The following RUNX2 variants were observed in gnomAD, a reference collection of about 807,000 sequenced individuals.
RUNX2 encodes the protein RUNX family transcription factor 2, also known as runt-related transcription factor 2.
A neutral mutation model predicts 51.7 loss-of-function variants in RUNX2; 10 were observed. The observed-to-expected ratio is 0.19, with a 90% CI of 0.12 to 0.33. The LOEUF (loss-of-function observed/expected upper bound fraction) is 0.33. Among genes scored for constraint, RUNX2 ranks in the 10% least tolerant of loss-of-function variants. RUNX2 has a pLI of 1.00. For synonymous variants in RUNX2, 276 were observed against 273.6 expected (o/e 1.01, Z -0.09); for missense variants, 562 against 691.3 (o/e 0.81, Z 2.10).
intron 7 of RUNX2, 120 bp downstream of exon 7, chr6:45,512,527 G>T: frequency 9.4e-7 from 1 of 1,064,592 alleles, no homozygotes; most frequent in East Asian, 2.5e-5. Flanking sequence ...GTGGGCAAGG[G>T]AATGACAACT....
intron 3 of RUNX2, among the ~76,000 whole-genome samples, chr6:45,428,884 C>A (rs2150366135): frequency 7.2e-6 from 1 of 138,964 alleles, no homozygotes; most frequent in African/African-American, 2.7e-5. Context: ...TGAGTGAAAT[C>A]CACCAGCAGT....
Position 45,335,027 on chromosome 6 carries a change from TA to T in RUNX2, c.58+6245del, listed in dbSNP as rs1474914106. On this transcript the variant is annotated intron_variant, in intron 2 of 8. Transcript: ENST00000647337. ...TTATAAGGGCAAATATGAATGGAAT[TA>T]ATTTGCTAATAGATTCCTATTTATA... Among the ~76,000 whole-genome samples, 11 of 151,402 alleles carry T rather than the reference TA, an allele frequency of 7.3e-5. No individual in the cohort carries two copies. The East Asian group carries it at 1.9e-3, about 27-fold the overall frequency.
At chr6:45,433,429 A>G (rs1019217108) in intron 4 of RUNX2, among the ~76,000 whole-genome samples, 1 of 152,148 alleles carries the variant, frequency 6.6e-6, no homozygotes, top group East Asian at 1.9e-4. Context: ...ATCAAGAAAA[A>G]TGTGAACATG....
rs570401980 is a variant in RUNX2 at position 45,550,116 on chromosome 6, G to A, written c.*2811G>A. 6.6e-6 allele frequency: 1 copy of A among 152,292 alleles called. No individual in the cohort carries two copies. The highest frequency in any genetic ancestry group is 2.1e-4 in the South Asian group (1 of 4,808). 9.4% of individuals were successfully genotyped at this position (152,292 alleles called of 1,614,324 possible). The stretch of plus-strand genomic sequence containing the variant: ...ACTGTGGAACCATGTACTAGTTCCT[G>A]GGAATTAAAATAGCGTGGTTCTCTT... On this transcript the variant is annotated 3_prime_UTR_variant, in exon 9 of 9. Transcript: ENST00000647337.
In RUNX2 at chr6:45,434,158, G is replaced by A. The variant is rs1798617398; in HGVS notation, c.580+2139G>A. On this transcript the variant is annotated intron_variant, in intron 4 of 8. Coordinates refer to ENST00000647337, the MANE Select transcript of RUNX2 (RefSeq NM_001024630.4). ...AACAGTAATATCAAGCTGAGATGAA[G>A]AGGAAAAAAGGACAGAGAACACTGA... Among the ~76,000 whole-genome samples, 3 of 151,868 alleles carry A rather than the reference G, an allele frequency of 2.0e-5. No individual in the cohort carries two copies. The South Asian group carries it at 6.2e-4, about 32-fold the overall frequency.
At chr6:45,503,701 C>T (rs548506354) in intron 6 of RUNX2, among the ~76,000 whole-genome samples, 1 of 152,278 alleles carries the variant, frequency 6.6e-6, no homozygotes, top group Admixed American at 6.5e-5. Context: ...GGTATAGCCT[C>T]TTTCTTCTTC....
intron 7 of RUNX2, among the ~76,000 whole-genome samples, chr6:45,534,550 T>G (rs1161866592): frequency 6.6e-6 from 1 of 152,208 alleles, no homozygotes; most frequent in African/African-American, 2.4e-5. Flanking sequence ...AAACAGTTTT[T>G]GTTCATAGGA....
chr6:45,423,013 G>T, intron 3 of RUNX2, 56 bp downstream of exon 3: 1 of 1,587,006 alleles, frequency 6.3e-7, no homozygotes, highest in Non-Finnish European at 8.5e-7. Flanking sequence ...CCTGCCCGCC[G>T]GTGTCTTCCT....
intron 5 of RUNX2, among the ~76,000 whole-genome samples, chr6:45,461,752 A>ATT (rs5875922): frequency 1.2e-3 from 170 of 146,630 alleles, no homozygotes; most frequent in African/African-American, 4.2e-3. Context: ...GAGGCTTACT[A>ATT]TTTTTTTTTT....
intron 5 of RUNX2, among the ~76,000 whole-genome samples, chr6:45,474,407 A>G (rs2150395488): frequency 6.9e-6 from 1 of 145,272 alleles, no homozygotes; most frequent in African/African-American, 2.6e-5. Context: ...GTGTGTGTGT[A>G]TTTCAGTAGA....
chr6:45,394,510 G>A (rs896390958), intron 2 of RUNX2, among the ~76,000 whole-genome samples: 11 of 152,200 alleles, frequency 7.2e-5, no homozygotes, highest in African/African-American at 2.4e-4. Context: ...GATTCTCAGT[G>A]AGTATAAAGG....
chr6:45,514,065 G>A (rs1801246542), intron 7 of RUNX2, among the ~76,000 whole-genome samples: 1 of 152,096 alleles, frequency 6.6e-6, no homozygotes, highest in South Asian at 2.1e-4. Flanking sequence ...GCTTCCATCT[G>A]CCCAACCCAC....
At chr6:45,432,093 G>A in intron 4 of RUNX2, 74 bp downstream of exon 4, 1 of 1,392,276 alleles carries the variant, frequency 7.2e-7, no homozygotes, top group Non-Finnish European at 1.0e-6. Flanking sequence ...AGACTAGTCT[G>A]TATACAAATC....
intron 2 of RUNX2, among the ~76,000 whole-genome samples, chr6:45,390,934 AT>A (rs1563065073): frequency 1.3e-5 from 2 of 152,306 alleles, no homozygotes; most frequent in East Asian, 3.9e-4. Context: ...ATTATTATAG[AT>A]TGGCTTTAGA....
intron 2 of RUNX2, among the ~76,000 whole-genome samples, chr6:45,355,468 G>A (rs545970010): frequency 6.6e-5 from 10 of 152,020 alleles, no homozygotes; most frequent in African/African-American, 2.2e-4. Flanking sequence ...TGGGGGTGGG[G>A]GTTAATTGTT....
intron 2 of RUNX2, among the ~76,000 whole-genome samples, chr6:45,391,801 C>T: frequency 6.6e-6 from 1 of 152,210 alleles, no homozygotes. Flanking sequence ...TCAATTACCT[C>T]TACCTGGTCT....
chr6:45,434,591 A>T (rs1441447494), intron 4 of RUNX2, among the ~76,000 whole-genome samples: 1 of 152,236 alleles, frequency 6.6e-6, no homozygotes, highest in Admixed American at 6.5e-5. Context: ...ATAAAAGTAG[A>T]GCATCAGTGG....
At chr6:45,516,856 A>G (rs920341921) in intron 7 of RUNX2, among the ~76,000 whole-genome samples, 2 of 152,234 alleles carry the variant, frequency 1.3e-5, no homozygotes, top group African/African-American at 4.8e-5. Flanking sequence ...AATGTATTTT[A>G]TACAATTATC....
chr6:45,487,820 A>T (rs959833553), intron 5 of RUNX2, among the ~76,000 whole-genome samples: 1 of 152,198 alleles, frequency 6.6e-6, no homozygotes, highest in Non-Finnish European at 1.5e-5. Context: ...GCTCATTCTC[A>T]TGAGACTTAC....
Sources: gnomAD v4.1 joint callset for allele counts (sites outside exome capture counted in the v4.1 genomes callset) on GRCh38, gnomAD v4.1.1 for gene constraint, MANE v1.5 for transcripts, NCBI Gene and HGNC (gene_info 2026-07-23, HGNC 2026-07-21) for gene names.